Variants in ACSM3 observed in about 807,000 individuals in gnomAD.
ACSM3 encodes acyl-coenzyme A synthetase ACSM3, mitochondrial.
Under a neutral mutation model 74.1 loss-of-function variants are expected in ACSM3, and 61 were observed. That is an observed-to-expected ratio of 0.82 (90% CI 0.67 to 1.02). The LOEUF (loss-of-function observed/expected upper bound fraction) is 1.02. Among genes scored for constraint, ACSM3 ranks in the 50% least tolerant of loss-of-function variants. The pLI is 0.00. For missense variants in ACSM3, 660 were observed against 697.0 expected, an observed-to-expected ratio of 0.95 and a Z score of 0.60; for synonymous variants, 213 against 241.5, an observed-to-expected ratio of 0.88 and a Z score of 1.09.
chr16:20,716,346 G>A (rs1200171282), intron 1 of ACSM3, among the ~76,000 whole-genome samples: 2 of 151,998 alleles, frequency 1.3e-5, no homozygotes, highest in African/African-American at 4.8e-5. Context: ...TGGGGTCCAG[G>A]GTCTAAAACC....
intron 1 of ACSM3, among the ~76,000 whole-genome samples, chr16:20,710,287 T>C (rs2079740109): frequency 6.6e-6 from 1 of 152,146 alleles, no homozygotes; most frequent in Non-Finnish European, 1.5e-5. Context: ...CACAACCACA[T>C]GGACCTTCCA....
chr16:20,767,169 T>A (rs1194950739), intron 1 of ACSM3, among the ~76,000 whole-genome samples: 1 of 152,126 alleles, frequency 6.6e-6, no homozygotes, highest in Non-Finnish European at 1.5e-5. Flanking sequence ...AACCTGATGC[T>A]AATTCTGTTA....
intron 1 of ACSM3, among the ~76,000 whole-genome samples, chr16:20,687,231 T>C (rs956965173): frequency 6.6e-6 from 1 of 151,956 alleles, no homozygotes. Flanking sequence ...CAGTGGTGGG[T>C]AACAGGCTGT....
chr16:20,761,685 T>C (rs139355162), upstream of ACSM3, among the ~76,000 whole-genome samples: 97 of 152,306 alleles, frequency 6.4e-4, 1 homozygote, highest in African/African-American at 2.2e-3. Flanking sequence ...AAATAATTGG[T>C]TGCAGTAGGT....
upstream of ACSM3, among the ~76,000 whole-genome samples, chr16:20,759,264 A>G (rs1416060105): frequency 2.0e-5 from 3 of 152,210 alleles, no homozygotes; most frequent in Admixed American, 1.3e-4. Context: ...AGCCTCTAAG[A>G]AACCCAAAAG....
At position 20,786,213 on chromosome 16, in the gene ACSM3, AC is replaced by A. The variant is rs758686158; in HGVS notation, c.1224+57del. On this transcript the variant is annotated intron_variant, in intron 9 of 13. Coordinates refer to ENST00000289416, the MANE Select transcript of ACSM3 (RefSeq NM_005622.4). ...TAACAACCCAATCTGTACACTACCT[AC>A]CTACCGCTTACCCCCATATAAACTT... 2.2e-5 allele frequency: 35 copies of A among 1,580,966 alleles called. No individual in the cohort carries two copies. The South Asian group carries it at 3.9e-4, about 18-fold the overall frequency.
chr16:20,784,201 G>T (rs2152472950), intron 7 of ACSM3, among the ~76,000 whole-genome samples: 1 of 152,210 alleles, frequency 6.6e-6, no homozygotes, highest in Non-Finnish European at 1.5e-5. Flanking sequence ...GCACTGTGTT[G>T]TGCAATATGG....
chr16:20,736,624 G>A, intron 1 of ACSM3: 1 of 422,176 alleles, frequency 2.4e-6, no homozygotes, highest in Non-Finnish European at 4.2e-6. Flanking sequence ...GAGCCTGGGA[G>A]AGGCCAACAT....
At chr16:20,701,400 G>A (rs1161456125) in intron 1 of ACSM3, among the ~76,000 whole-genome samples, 2 of 152,100 alleles carry the variant, frequency 1.3e-5, no homozygotes, top group Admixed American at 1.3e-4. Flanking sequence ...ACTGTGGAAG[G>A]AGTGATTTGA....
At chr16:20,697,159 A>G (rs969964501) in intron 1 of ACSM3, among the ~76,000 whole-genome samples, 5 of 152,066 alleles carry the variant, frequency 3.3e-5, no homozygotes, top group African/African-American at 1.2e-4. Flanking sequence ...TGCAGCCTCA[A>G]TCTCCTGGGC....
chr16:20,780,869 C>T lies in ACSM3; in HGVS notation c.782+12C>T, dbSNP rs768133999. ...TCTGTAAATGGAAGGTATACTTTCA[C>T]AAAAGTGCAGCTTGAAGTGTCAAAA... On this transcript the variant is annotated intron_variant, in intron 5 of 13. Coordinates refer to ENST00000289416, the MANE Select transcript of ACSM3 (RefSeq NM_005622.4). 1 of 1,614,026 alleles carries T rather than the reference C, an allele frequency of 6.2e-7. No homozygotes were observed.
intron 1 of ACSM3, among the ~76,000 whole-genome samples, chr16:20,715,000 G>GATAA (rs60802258): frequency 0.62 from 93,357 of 151,544 alleles, 29,884 homozygotes; most frequent in Non-Finnish European, 0.72. Context: ...ACGAAAGATA[G>GATAA]ATAGATAGGT....
chr16:20,789,133 A>C (rs1438401764), intron 9 of ACSM3, among the ~76,000 whole-genome samples: 1 of 152,190 alleles, frequency 6.6e-6, no homozygotes, highest in Non-Finnish European at 1.5e-5. Context: ...GAGAAATGCT[A>C]ATCTGATTTT....
chr16:20,685,047 C>T, intron 1 of ACSM3: 1 of 771,072 alleles, frequency 1.3e-6, no homozygotes, highest in Middle Eastern at 3.7e-4. Flanking sequence ...GGCAGGAAGC[C>T]TTGCTTTGTG....
At chr16:20,726,683 C>G (rs1252144079) in intron 1 of ACSM3, among the ~76,000 whole-genome samples, 2 of 152,118 alleles carry the variant, frequency 1.3e-5, no homozygotes, top group African/African-American at 4.8e-5. Flanking sequence ...CAGGCAGGGC[C>G]CTACTACTTA....
intron 1 of ACSM3, among the ~76,000 whole-genome samples, chr16:20,768,088 A>C (rs912094653): frequency 2.6e-5 from 4 of 152,180 alleles, no homozygotes; most frequent in Non-Finnish European, 2.9e-5. Context: ...TCACAGAAAA[A>C]GTTTGCTGAC....
chr16:20,789,062 C>T (rs889469341), intron 9 of ACSM3, among the ~76,000 whole-genome samples: 1 of 152,152 alleles, frequency 6.6e-6, no homozygotes, highest in Non-Finnish European at 1.5e-5. Context: ...AATTTTGATA[C>T]TTAGAAACAG....
intron 1 of ACSM3, chr16:20,682,412 T>C (rs774605772): frequency 1.7e-5 from 27 of 1,613,788 alleles, no homozygotes; most frequent in Non-Finnish European, 1.5e-5. Context: ...CTGTAGTCGA[T>C]AGAGAATGTC....
chr16:20,675,595 G>C (rs1010279231), intron 1 of ACSM3, among the ~76,000 whole-genome samples: 3 of 152,176 alleles, frequency 2.0e-5, no homozygotes. Context: ...TTTTAAAAAG[G>C]ATTTAGAGCT....
Sources: gnomAD v4.1 joint callset for allele counts (sites outside exome capture counted in the v4.1 genomes callset) on GRCh38, gnomAD v4.1.1 for gene constraint, MANE v1.5 for transcripts, NCBI Gene and HGNC (gene_info 2026-07-23, HGNC 2026-07-21) for gene names.